The following PLA2G4A variants were observed in gnomAD, a reference collection of about 807,000 sequenced individuals.
The protein encoded by PLA2G4A is cytosolic phospholipase A2.
Under a neutral mutation model 81.9 loss-of-function variants are expected in PLA2G4A, and 40 were observed. The observed-to-expected ratio is 0.49, with a 90% CI of 0.38 to 0.64. PLA2G4A has a LOEUF of 0.64. Ranked by LOEUF, PLA2G4A falls within the 30% of genes least tolerant of loss-of-function variation. PLA2G4A has a pLI of 0.00. For missense variants in PLA2G4A, 715 were observed against 905.1 expected (o/e 0.79, Z 2.69); for synonymous variants, 302 against 296.9 (o/e 1.02, Z -0.18).
chr1:186,901,904 A>G (rs895030582), intron 5 of PLA2G4A, among the ~76,000 whole-genome samples: 1 of 152,188 alleles, frequency 6.6e-6, no homozygotes, highest in African/African-American at 2.4e-5. Context: ...GATTCATGGT[A>G]GGAAAAGCTA....
At chr1:186,971,306 G>A (rs6696994) in intron 15 of PLA2G4A, among the ~76,000 whole-genome samples, 149,553 of 152,060 alleles carry the variant, frequency 0.98, 73,558 homozygotes, top group East Asian at 1. Flanking sequence ...GCTTTATTAT[G>A]TGCCTACTAT....
chr1:186,957,885 C>T (rs6425066), intron 14 of PLA2G4A, among the ~76,000 whole-genome samples: 145,939 of 152,334 alleles, frequency 0.96, 69,952 homozygotes, highest in East Asian at 1. Context: ...TTTTCCTTAA[C>T]GTCCAAATGT....
At chr1:186,979,640 C>T (rs1271343080) in intron 17 of PLA2G4A, among the ~76,000 whole-genome samples, 168 bp downstream of exon 17, 1 of 152,060 alleles carries the variant, frequency 6.6e-6, no homozygotes, top group Non-Finnish European at 1.5e-5. Flanking sequence ...CAGAAGAACC[C>T]TACAAAACTG....
Position 186,940,097 on chromosome 1 carries a change from A to G in PLA2G4A, c.1033+3A>G. On this transcript the variant is annotated splice_donor_region_variant and intron_variant, in intron 10 of 17. Coordinates refer to ENST00000367466, the MANE Select transcript of PLA2G4A (RefSeq NM_024420.3). ...CGTTTCAGAGCTGATGTTTGCAGGT[A>G]TGCTGTTTCCTTTCTCAGAACACTT... The G allele has an allele frequency of 1.3e-6, 2 of 1,508,092 alleles. No individual in the cohort carries two copies. Among genetic ancestry groups the G allele is most frequent in the Non-Finnish European group, 1.8e-6 (2 of 1,083,154 alleles). The allele number at this position is 1,508,092 out of a possible 1,614,324, so 93.4% of individuals were successfully genotyped here. A position where few individuals can be genotyped will look rare whatever the true frequency, so the allele number is the denominator to read the frequency against.
At chr1:186,952,798 T>A (rs1207292280) in intron 13 of PLA2G4A, among the ~76,000 whole-genome samples, 2 of 132,068 alleles carry the variant, frequency 1.5e-5, no homozygotes, top group East Asian at 5.1e-4. Flanking sequence ...GTAGTCAGAA[T>A]CAAACAATAA....
At chr1:186,829,252 G>C (rs1205731968) in intron 1 of PLA2G4A, among the ~76,000 whole-genome samples, 1 of 152,162 alleles carries the variant, frequency 6.6e-6, no homozygotes, top group Non-Finnish European at 1.5e-5. Flanking sequence ...TTGCCTTCCT[G>C]GATCTAAATG....
At chr1:186,985,203 C>T (rs1657855064) in intron 17 of PLA2G4A, among the ~76,000 whole-genome samples, 1 of 152,174 alleles carries the variant, frequency 6.6e-6, no homozygotes, top group African/African-American at 2.4e-5. Flanking sequence ...TTCTGCTCCA[C>T]TTAAAAACCC....
chr1:186,884,617 C>T (rs1188090032), intron 3 of PLA2G4A, among the ~76,000 whole-genome samples: 1 of 152,088 alleles, frequency 6.6e-6, no homozygotes, highest in Non-Finnish European at 1.5e-5. Flanking sequence ...TGGCTCATGC[C>T]TATAATCCCA....
At chr1:186,950,756 C>G (rs759844656) in intron 13 of PLA2G4A, 28 bp downstream of exon 13, 1 of 1,283,670 alleles carries the variant, frequency 7.8e-7, no homozygotes, top group Non-Finnish European at 1.1e-6. Context: ...TTTTCTGGCC[C>G]AGATCCATGA....
intron 2 of PLA2G4A, among the ~76,000 whole-genome samples, chr1:186,868,046 C>A (rs956317504): frequency 4.7e-5 from 7 of 150,528 alleles, no homozygotes; most frequent in African/African-American, 1.5e-4. Context: ...CTGACATAAA[C>A]CCCGCTTGGT....
At chr1:186,952,817 T>C (rs1371370142) in intron 13 of PLA2G4A, among the ~76,000 whole-genome samples, 1 of 150,752 alleles carries the variant, frequency 6.6e-6, no homozygotes, top group Non-Finnish European at 1.5e-5. Flanking sequence ...AATGTAGCCT[T>C]TTCAGATCTT....
rs751785736 is a variant in PLA2G4A, at chr1:186,940,106, C to T, written c.1033+12C>T. The T allele has an allele frequency of 1.4e-6, 2 of 1,426,864 alleles. No individual in the cohort carries two copies. Among genetic ancestry groups the T allele is most frequent in the Non-Finnish European group, 2.0e-6 (2 of 1,009,194 alleles). The allele number at this position is 1,426,864 out of a possible 1,614,324, so 88.4% of individuals were successfully genotyped here. On this transcript the variant is annotated intron_variant, in intron 10 of 17. Transcript: ENST00000367466. ...GCTGATGTTTGCAGGTATGCTGTTT[C>T]CTTTCTCAGAACACTTCCTGGAACC...
At chr1:186,944,915 T>C in intron 10 of PLA2G4A, among the ~76,000 whole-genome samples, 1 of 152,164 alleles carries the variant, frequency 6.6e-6, no homozygotes, top group East Asian at 1.9e-4. Flanking sequence ...GCCTGATTTC[T>C]CACTAAATGA....
chr1:186,829,724 C>A lies in PLA2G4A; in HGVS notation c.-70+689C>A, dbSNP rs551843051. ...GTGGATATTTCAGTAATTTTGTTTC[C>A]AAAAAAAACAGAAAAAAAAGGTATT... On this transcript the variant is annotated intron_variant, in intron 1 of 17. Transcript: ENST00000367466. Among the ~76,000 whole-genome samples, 4 of 149,520 alleles carry A rather than the reference C, an allele frequency of 2.7e-5. No individual in the cohort carries two copies. The East Asian group carries it at 5.8e-4, about 22-fold the overall frequency.
intron 14 of PLA2G4A, among the ~76,000 whole-genome samples, chr1:186,962,422 T>C (rs551769408): frequency 1.3e-5 from 2 of 152,124 alleles, no homozygotes; most frequent in Admixed American, 6.5e-5. Context: ...ATACACATAT[T>C]AATGTGGTTT....
intron 8 of PLA2G4A, among the ~76,000 whole-genome samples, chr1:186,933,939 A>G (rs1288638625): frequency 6.6e-6 from 1 of 152,098 alleles, no homozygotes; most frequent in Non-Finnish European, 1.5e-5. Context: ...TAAATCATCC[A>G]CAGTTTCTTA....
intron 7 of PLA2G4A, among the ~76,000 whole-genome samples, chr1:186,914,588 C>T (rs1650882908): frequency 6.6e-6 from 1 of 152,086 alleles, no homozygotes; most frequent in African/African-American, 2.4e-5. Flanking sequence ...CTGGGGGCTG[C>T]ATGCACCAGT....
intron 16 of PLA2G4A, among the ~76,000 whole-genome samples, chr1:186,978,797 T>G (rs200674194): frequency 1.3e-5 from 2 of 151,996 alleles, no homozygotes; most frequent in East Asian, 3.9e-4. Flanking sequence ...TGGGGAACAC[T>G]CTAGTTTATT....
chr1:186,963,337 A>G (rs553149292), intron 14 of PLA2G4A, among the ~76,000 whole-genome samples: 9 of 152,350 alleles, frequency 5.9e-5, no homozygotes, highest in African/African-American at 2.2e-4. Flanking sequence ...TTACATCGTT[A>G]CATTCCAGGT....
Sources: allele counts gnomAD v4.1 joint callset (sites outside exome capture counted in the v4.1 genomes callset), GRCh38; gene constraint gnomAD v4.1.1; transcripts MANE v1.5; gene names NCBI Gene and HGNC (gene_info 2026-07-23, HGNC 2026-07-21).